Variants in PCBD2 observed in about 807,000 individuals in gnomAD.
PCBD2 encodes pterin-4 alpha-carbinolamine dehydratase 2.
PCBD2 carries 12 observed loss-of-function variants against 16.4 expected under a neutral mutation model. The ratio of observed to expected loss-of-function variants is 0.73; its 90% confidence interval spans 0.47 to 1.19. The LOEUF (loss-of-function observed/expected upper bound fraction) is 1.19, where lower values mean the gene tolerates loss of function less well. Among genes scored for constraint, PCBD2 ranks in the 50% most tolerant of loss-of-function variants. The pLI, the probability that PCBD2 is intolerant of heterozygous loss-of-function variation, is 0.00. For missense variants in PCBD2, 138 were observed against 156.8 expected (o/e 0.88, Z 0.64); for synonymous variants, 58 against 61.8 (o/e 0.94, Z 0.29).
intron 2 of PCBD2, among the ~76,000 whole-genome samples, chr5:134,939,402 T>C (rs982279401): frequency 1.3e-5 from 2 of 151,952 alleles, no homozygotes; most frequent in Non-Finnish European, 2.9e-5. Context: ...TTTAAGCCCA[T>C]GTAATGCATA....
At chr5:134,941,606 A>G (rs1292665072) in intron 2 of PCBD2, among the ~76,000 whole-genome samples, 1 of 152,214 alleles carries the variant, frequency 6.6e-6, no homozygotes, top group East Asian at 1.9e-4. Flanking sequence ...TACTCGCTGT[A>G]TGTGAGACTG....
At chr5:134,956,296 A>T (rs1335031688) in intron 2 of PCBD2, among the ~76,000 whole-genome samples, 1 of 152,176 alleles carries the variant, frequency 6.6e-6, no homozygotes. Context: ...AAAGTTTTTT[A>T]ATTGTATGTA....
chr5:134,915,098 C>T (rs544023875), intron 2 of PCBD2, among the ~76,000 whole-genome samples: 7 of 152,178 alleles, frequency 4.6e-5, no homozygotes, highest in Admixed American at 3.3e-4. Flanking sequence ...AGGTGGATCA[C>T]GAAGTCAGGA....
In PCBD2 at chr5:134,910,391, T is replaced by TA; in HGVS notation, c.144dup (p.Ala49SerfsTer9). On this transcript the variant is annotated frameshift_variant, in exon 2 of 4. Coordinates refer to ENST00000254908, the MANE Select transcript of PCBD2 (RefSeq NM_032151.5). LOFTEE classifies it high-confidence loss of function. The stretch of plus-strand genomic sequence containing the variant: ...AGAGGAACCAAGCTATACTTGACCT[T>TA]AAAGCAGCAGGATGGTCGGAATTAA... 6.2e-7 allele frequency: 1 copy of TA among 1,614,082 alleles called. No individual in the cohort carries two copies.
chr5:134,938,873 GTGT>G (rs973539023), intron 2 of PCBD2, among the ~76,000 whole-genome samples: 5 of 152,090 alleles, frequency 3.3e-5, no homozygotes, highest in African/African-American at 1.2e-4. Context: ...CAAAAGAAAG[GTGT>G]TGTACAAAAA....
Position 134,910,344 on chromosome 5 carries a change from A to G in PCBD2, c.94A>G (p.Thr32Ala). 5.0e-6 allele frequency: 8 copies of G among 1,613,916 alleles called. No individual in the cohort carries two copies. The highest frequency in any genetic ancestry group is 6.8e-6 in the Non-Finnish European group (8 of 1,179,872). Residue 32 changes from threonine to alanine, a missense_variant, in exon 2 of 4, where the codon ACT becomes GCT. By Grantham distance (58) the Thr-to-Ala change is moderately conservative. Coordinates refer to ENST00000254908, the MANE Select transcript of PCBD2 (RefSeq NM_032151.5). ...SLGLAAMSSG[T>A]HRLTAEERNQ... The stretch of plus-strand genomic sequence containing the variant: ...TGTGTTCTCTTCATAGTCATCAGGT[A>G]CTCACAGGTTGACTGCAGAGGAGAG...
intron 2 of PCBD2, among the ~76,000 whole-genome samples, chr5:134,916,863 C>T (rs928415029): frequency 6.6e-6 from 1 of 152,176 alleles, no homozygotes; most frequent in African/African-American, 2.4e-5. Flanking sequence ...ATGTTGGTGA[C>T]AGACAGTGAC....
Position 134,959,193 on chromosome 5 carries a change from T to C in PCBD2, c.297+73T>C, listed in dbSNP as rs770707160. 289 of 1,134,494 alleles carry C rather than the reference T, an allele frequency of 2.5e-4. 2 individuals are homozygous for C. In the East Asian group the frequency reaches 5.4e-3, roughly 21 times the overall value. The allele number at this position is 1,134,494 out of a possible 1,614,324, so 70.3% of individuals were successfully genotyped here. A position where few individuals can be genotyped will look rare whatever the true frequency, so the allele number is the denominator to read the frequency against. ...GAAACTTCTTTCTTCCTTGTCATCT[T>C]GTGCAGCTAAATGTCATTGTACTTA... On this transcript the variant is annotated intron_variant, in intron 3 of 3. Coordinates refer to ENST00000254908, the MANE Select transcript of PCBD2 (RefSeq NM_032151.5).
intron 2 of PCBD2, chr5:134,926,948 G>C (rs1259029636): frequency 2.5e-6 from 1 of 398,362 alleles, no homozygotes; most frequent in East Asian, 3.6e-5. Context: ...GATTAGTGAG[G>C]CTTGCTAGAA....
At chr5:134,912,627 T>C (rs1208467671) in intron 2 of PCBD2, among the ~76,000 whole-genome samples, 1 of 152,194 alleles carries the variant, frequency 6.6e-6, no homozygotes, top group Non-Finnish European at 1.5e-5. Context: ...ACTCATTAGC[T>C]GGGAGAGGAG....
At chr5:134,924,057 C>A in intron 2 of PCBD2, 1 of 396,322 alleles carries the variant, frequency 2.5e-6, no homozygotes, top group South Asian at 1.3e-4. Context: ...CATTAGTGTT[C>A]TTGTAGTTGA....
chr5:134,929,959 A>G (rs1344931757), intron 2 of PCBD2, among the ~76,000 whole-genome samples: 2 of 152,136 alleles, frequency 1.3e-5, no homozygotes, highest in East Asian at 1.9e-4. Context: ...CTCTCAAAGT[A>G]TTGGGATTAC....
intron 2 of PCBD2, among the ~76,000 whole-genome samples, chr5:134,956,807 CT>C (rs1751420465): frequency 6.6e-6 from 1 of 152,176 alleles, no homozygotes; most frequent in South Asian, 2.1e-4. Context: ...TAAGGTTTAC[CT>C]TGTGTAGTTT....
chr5:134,907,586 G>A (rs1750711904), intron 1 of PCBD2, among the ~76,000 whole-genome samples: 2 of 151,238 alleles, frequency 1.3e-5, no homozygotes, highest in African/African-American at 2.4e-5. Flanking sequence ...AAGTTTTTCA[G>A]AACTGTCACT....
chr5:134,930,390 A>G (rs1429039659), intron 2 of PCBD2, among the ~76,000 whole-genome samples: 1 of 151,988 alleles, frequency 6.6e-6, no homozygotes, highest in African/African-American at 2.4e-5. Flanking sequence ...TGTTCCCTGT[A>G]GGATACATAC....
chr5:134,933,899 G>A (rs1751126836), intron 2 of PCBD2, among the ~76,000 whole-genome samples: 1 of 152,176 alleles, frequency 6.6e-6, no homozygotes, highest in Non-Finnish European at 1.5e-5. Flanking sequence ...TTATGTTATA[G>A]GGCTTTGTAG....
chr5:134,923,507 A>C (rs1266907667), intron 2 of PCBD2: 2 of 278,816 alleles, frequency 7.2e-6, no homozygotes, highest in African/African-American at 4.4e-5. Context: ...AGATAAAGTG[A>C]AAGGTAAAGA....
intron 2 of PCBD2, among the ~76,000 whole-genome samples, chr5:134,950,838 A>G (rs989250824): frequency 2.6e-5 from 4 of 152,220 alleles, no homozygotes; most frequent in Admixed American, 6.5e-5. Context: ...TGTTGGCCAT[A>G]TGTTTGTTTG....
At chr5:134,955,208 T>G (rs574687890) in intron 2 of PCBD2, among the ~76,000 whole-genome samples, 1 of 151,948 alleles carries the variant, frequency 6.6e-6, no homozygotes, top group Non-Finnish European at 1.5e-5. Context: ...ATTTTTTTTT[T>G]AAATTTTTAT....
Sources: allele counts gnomAD v4.1 joint callset (sites outside exome capture counted in the v4.1 genomes callset), GRCh38; gene constraint gnomAD v4.1.1; transcripts MANE v1.5; gene names NCBI Gene and HGNC (gene_info 2026-07-23, HGNC 2026-07-21).